HCN1: variants seen among roughly 807,000 people sequenced by gnomAD.
The protein encoded by HCN1 is hyperpolarization activated cyclic nucleotide gated potassium channel 1.
HCN1 carries 13 observed loss-of-function variants against 78.9 expected under a neutral mutation model. The ratio of observed to expected loss-of-function variants is 0.16; its 90% confidence interval spans 0.11 to 0.26. The LOEUF is 0.26. HCN1 is among the 10% of genes least tolerant of loss of function. The pLI, the probability that HCN1 is intolerant of heterozygous loss-of-function variation, is 1.00. For missense variants in HCN1, 810 were observed against 1,154.3 expected, an observed-to-expected ratio of 0.70 and a Z score of 4.32; for synonymous variants, 552 against 455.5, an observed-to-expected ratio of 1.21 and a Z score of -2.70.
At chr5:45,553,526 C>T (rs1743412506) in intron 2 of HCN1, among the ~76,000 whole-genome samples, 1 of 151,852 alleles carries the variant, frequency 6.6e-6, no homozygotes, top group Non-Finnish European at 1.5e-5. Context: ...ATAAAGTTGT[C>T]CCTTGGTATC....
At chr5:45,595,790 T>C (rs1344265697) in intron 2 of HCN1, among the ~76,000 whole-genome samples, 1 of 151,988 alleles carries the variant, frequency 6.6e-6, no homozygotes, top group African/African-American at 2.4e-5. Flanking sequence ...CAGTATCTTG[T>C]GGATGATATA....
chr5:45,367,375 C>T (rs544896847), intron 4 of HCN1, among the ~76,000 whole-genome samples: 4 of 151,820 alleles, frequency 2.6e-5, no homozygotes, highest in Non-Finnish European at 4.4e-5. Flanking sequence ...ACATACATGT[C>T]AACATACAGA....
At chr5:45,347,214 T>C (rs893741968) in intron 5 of HCN1, among the ~76,000 whole-genome samples, 2 of 152,082 alleles carry the variant, frequency 1.3e-5, no homozygotes, top group East Asian at 3.9e-4. Context: ...TTCACGAAAA[T>C]CTGCTGTTCT....
intron 2 of HCN1, among the ~76,000 whole-genome samples, chr5:45,555,947 T>C (rs978018822): frequency 6.6e-6 from 1 of 151,736 alleles, no homozygotes; most frequent in South Asian, 2.1e-4. Context: ...GCCAAGACGA[T>C]ACACTAAGGA....
chr5:45,694,842 C>T (rs557540463), intron 1 of HCN1, among the ~76,000 whole-genome samples: 1 of 152,302 alleles, frequency 6.6e-6, no homozygotes, highest in African/African-American at 2.4e-5. Context: ...TTCTCCAAAG[C>T]GGAGTTTTCC....
intron 2 of HCN1, among the ~76,000 whole-genome samples, chr5:45,494,657 G>C (rs1741982484): frequency 6.6e-6 from 1 of 152,016 alleles, no homozygotes. Context: ...TGGTGTTTTA[G>C]ACATGAAGTC....
intron 2 of HCN1, among the ~76,000 whole-genome samples, chr5:45,638,559 T>C (rs999417508): frequency 1.3e-5 from 2 of 152,156 alleles, no homozygotes; most frequent in Non-Finnish European, 2.9e-5. Context: ...AATTAAGCCT[T>C]ACCTCTAACA....
chr5:45,305,712 G>C (rs549683773), intron 5 of HCN1, among the ~76,000 whole-genome samples: 2 of 150,932 alleles, frequency 1.3e-5, no homozygotes, highest in South Asian at 2.1e-4. Flanking sequence ...GGAAGGGAGG[G>C]AGCAGGTGGG....
chr5:45,696,039 T>C lies in HCN1; in HGVS notation c.55A>G (p.Ser19Gly). ...GCGGACGCCTTGGCGGGGAAGACGC[T>C]GTTGCCATCGTCCCGGCTGTTAGAC... is the stretch of plus-strand genomic sequence containing the variant. ...SSSNSRDDGN[S>G]VFPAKASATG... Residue 19 changes from serine (S) to glycine (G), a missense_variant, in exon 1 of 8, where the codon AGC (serine) becomes GGC (glycine). Coordinates refer to ENST00000303230, the MANE Select transcript of HCN1 (RefSeq NM_021072.4). 1 of 1,348,002 alleles carries C rather than the reference T, an allele frequency of 7.4e-7. No homozygotes were observed. The highest frequency in any genetic ancestry group is 1.5e-5 in the African/African-American group (1 of 65,296). The allele number at this position is 1,348,002 out of a possible 1,614,324, so 83.5% of individuals were successfully genotyped here. A position where few individuals can be genotyped will look rare whatever the true frequency, so the allele number is the denominator to read the frequency against.
At position 45,373,336 on chromosome 5, in the gene HCN1, T is replaced by G. The variant is rs567625983; in HGVS notation, c.1231-20090A>C. Among the ~76,000 whole-genome samples, 5 of 117,804 alleles carry G rather than the reference T, an allele frequency of 4.2e-5. No homozygotes were observed. The East Asian group carries it at 1.2e-3, about 27-fold the overall frequency. The allele number at this position is 117,804 out of a possible 152,430, so 77.3% of individuals were successfully genotyped here. On this transcript the variant is annotated intron_variant, in intron 4 of 7. Transcript: ENST00000303230. Reference sequence around the variant, plus strand: ...ATATAAAATATATATTTCATATATTTAATATATAAAATATATATTTATAAA... The same window carrying G: ...ATATAAAATATATATTTCATATATTGAATATATAAAATATATATTTATAAA...
intron 2 of HCN1, among the ~76,000 whole-genome samples, chr5:45,535,212 C>T (rs1308280604): frequency 1.3e-5 from 2 of 152,120 alleles, no homozygotes; most frequent in African/African-American, 4.8e-5. Context: ...TCTTATAACA[C>T]AAACATAAGA....
At chr5:45,664,565 T>C (rs1455160300) in intron 1 of HCN1, among the ~76,000 whole-genome samples, 2 of 149,306 alleles carry the variant, frequency 1.3e-5, no homozygotes, top group Non-Finnish European at 3.0e-5. Flanking sequence ...AAAGGGCTAA[T>C]ATCCAGAATC....
At chr5:45,581,145 G>C (rs565746041) in intron 2 of HCN1, among the ~76,000 whole-genome samples, 1 of 152,270 alleles carries the variant, frequency 6.6e-6, no homozygotes, top group African/African-American at 2.4e-5. Context: ...CTAGTTTACA[G>C]TCCCACCAAC....
At position 45,262,343 on chromosome 5, in the gene HCN1, G is replaced by C. The variant is rs758226055; in HGVS notation, c.2251C>G (p.Pro751Ala). The change falls in exon 8 of 8, where the codon CCG (proline) becomes GCG (alanine). Residue 751 changes from proline (P) to alanine (A), a missense_variant. Transcript: ENST00000303230. ...SQPPQTQPQQ[P>A]SPQPQTPGSS... The stretch of plus-strand genomic sequence containing the variant: ...CCAGGTGTCTGTGGCTGCGGGGACG[G>C]CTGCTGTGGCTGAGTCTGCGGCGGC... 33 of 1,613,206 alleles carry C rather than the reference G, an allele frequency of 2.0e-5. No individual in the cohort carries two copies. In the Admixed American group the frequency reaches 5.5e-4, roughly 27 times the overall value.
chr5:45,323,820 T>C (rs1375299456), intron 5 of HCN1, among the ~76,000 whole-genome samples: 1 of 152,004 alleles, frequency 6.6e-6, no homozygotes, highest in Admixed American at 6.6e-5. Flanking sequence ...TGGTGTTTGG[T>C]TTTTTGTCCT....
chr5:45,517,520 T>TA (rs773490588), intron 2 of HCN1, among the ~76,000 whole-genome samples: 53,514 of 94,298 alleles, frequency 0.57, 15,960 homozygotes, highest in Middle Eastern at 0.67. Flanking sequence ...AATTTCCCCT[T>TA]AAAAAAAAAA....
chr5:45,664,348 C>G (rs1466876998), intron 1 of HCN1, among the ~76,000 whole-genome samples: 3 of 143,004 alleles, frequency 2.1e-5, no homozygotes, highest in Non-Finnish European at 3.0e-5. Flanking sequence ...GGGAGATATA[C>G]CTAATGCTAG....
chr5:45,271,400 A>G (rs1433372809), intron 6 of HCN1, among the ~76,000 whole-genome samples: 2 of 151,318 alleles, frequency 1.3e-5, no homozygotes, highest in Non-Finnish European at 2.9e-5. Context: ...ACACACACAC[A>G]CAGACACAGT....
At position 45,297,560 on chromosome 5, in the gene HCN1, C is replaced by T. The variant is rs528020848; in HGVS notation, c.1618+6039G>A. Among the ~76,000 whole-genome samples the T allele has an allele frequency of 1.1e-3, 161 of 152,154 alleles. 1 individual carries two copies. Among genetic ancestry groups the T allele is most frequent in the African/African-American group, 3.8e-3 (157 of 41,536 alleles). On this transcript the variant is annotated intron_variant, in intron 6 of 7. Coordinates refer to ENST00000303230, the MANE Select transcript of HCN1 (RefSeq NM_021072.4). The stretch of plus-strand genomic sequence containing the variant: ...TTAAGGAATAAATGATATCAATTCT[C>T]CACCATCTTTTCCAGAAAATGGAAG...
Sources: gnomAD v4.1 joint callset for allele counts (sites outside exome capture counted in the v4.1 genomes callset) on GRCh38, gnomAD v4.1.1 for gene constraint, MANE v1.5 for transcripts, NCBI Gene and HGNC (gene_info 2026-07-23, HGNC 2026-07-21) for gene names.